EFHC2: variants seen among roughly 807,000 people sequenced by gnomAD.
EFHC2 encodes the protein EF-hand domain containing 2.
In EFHC2, 18 loss-of-function variants were observed where a neutral mutation model predicts 52.7. The observed-to-expected ratio is 0.34, with a 90% CI of 0.24 to 0.51. EFHC2 has a LOEUF of 0.51. Ranked by LOEUF, EFHC2 falls within the 20% of genes least tolerant of loss-of-function variation. The pLI, the probability that EFHC2 is intolerant of heterozygous loss-of-function variation, is 0.97. For missense variants in EFHC2, 513 were observed against 562.5 expected (o/e 0.91, Z 0.89); for synonymous variants, 203 against 204.1 (o/e 0.99, Z 0.04).
chrX:44,209,680 G>T (rs1260517714), intron 11 of EFHC2, among the ~76,000 whole-genome samples: 1 of 108,706 alleles, frequency 9.2e-6, no homozygotes, highest in African/African-American at 3.4e-5. Flanking sequence ...CCACGGGCTG[G>T]TACCAGTCCG....
chrX:44,318,194 G>A (rs1039684261), intron 1 of EFHC2, among the ~76,000 whole-genome samples: 5 of 112,457 alleles, frequency 4.4e-5, no homozygotes, highest in African/African-American at 9.7e-5. Flanking sequence ...TTATTCTGCC[G>A]CCAAAGGGAA....
At chrX:44,317,746 A>T (rs1248038061) in intron 1 of EFHC2, among the ~76,000 whole-genome samples, 3 of 113,174 alleles carry the variant, frequency 2.7e-5, no homozygotes, top group Non-Finnish European at 5.6e-5. Flanking sequence ...TGAAGCTATG[A>T]TCGCACCACT....
chrX:44,267,410 T>C (rs1250149622), intron 3 of EFHC2, among the ~76,000 whole-genome samples: 1 of 111,851 alleles, frequency 8.9e-6, no homozygotes, highest in Non-Finnish European at 1.9e-5. Context: ...AACTTGTGAA[T>C]ATTAAAAATA....
In EFHC2 at chrX:44,267,510, C is replaced by T. The variant is rs771694392; in HGVS notation, c.382+5176G>A. Among the ~76,000 whole-genome samples the T allele has an allele frequency of 7.2e-5, 8 of 111,507 alleles. No individual in the cohort carries two copies. In the South Asian group the frequency reaches 1.1e-3, roughly 16 times the overall value. On this transcript the variant is annotated intron_variant, in intron 3 of 14. Transcript: ENST00000420999. ...GTTTCTGGCTGATTCCAAACTCCCC[C>T]CACCCTAAAAAATTACATGATAATA...
chrX:44,314,461 CA>C (rs1251657654), intron 1 of EFHC2, among the ~76,000 whole-genome samples: 2 of 112,214 alleles, frequency 1.8e-5, no homozygotes, highest in African/African-American at 6.5e-5. Flanking sequence ...AGGGCCATAA[CA>C]GCTGCCCTGG....
chrX:44,211,157 C>T (rs748846143), intron 11 of EFHC2, among the ~76,000 whole-genome samples: 92 of 111,883 alleles, frequency 8.2e-4, no homozygotes, highest in Middle Eastern at 4.7e-3. Context: ...CAGACCATAT[C>T]GAGGGTGATA....
At chrX:44,328,246 G>C (rs964405284) in intron 1 of EFHC2, among the ~76,000 whole-genome samples, 1 of 111,718 alleles carries the variant, frequency 9.0e-6, no homozygotes, top group African/African-American at 3.3e-5. Flanking sequence ...TTCTATGAAG[G>C]ATTTTTGCTC....
At chrX:44,278,202 C>T (rs772920814) in intron 2 of EFHC2, among the ~76,000 whole-genome samples, 13 of 111,934 alleles carry the variant, frequency 1.2e-4, no homozygotes, top group Non-Finnish European at 2.3e-4. Context: ...TGGCAAAACC[C>T]AATCTCTACT....
intron 2 of EFHC2, among the ~76,000 whole-genome samples, chrX:44,281,356 C>A (rs1257977899): frequency 2.7e-5 from 3 of 112,204 alleles, no homozygotes; most frequent in Non-Finnish European, 5.6e-5. Context: ...TAAAGTAGTA[C>A]AATACCACAG....
intron 11 of EFHC2, among the ~76,000 whole-genome samples, chrX:44,221,017 A>G (rs2037189597): frequency 8.9e-6 from 1 of 111,923 alleles, no homozygotes; most frequent in African/African-American, 3.2e-5. Flanking sequence ...AATGTTGCCA[A>G]TATAGTAAGT....
chrX:44,168,574 C>CAAG (rs2036718215), intron 13 of EFHC2, among the ~76,000 whole-genome samples: 1 of 110,739 alleles, frequency 9.0e-6, no homozygotes, highest in Non-Finnish European at 1.9e-5. Context: ...ACTGAACAGC[C>CAAG]AAGTATCTTC....
chrX:44,169,544 G>C (rs2036726426), intron 13 of EFHC2, among the ~76,000 whole-genome samples: 1 of 111,021 alleles, frequency 9.0e-6, no homozygotes, highest in Non-Finnish European at 1.9e-5. Flanking sequence ...CCAAAGTGCT[G>C]GGATTACAGG....
At chrX:44,219,963 T>C (rs965514729) in intron 11 of EFHC2, among the ~76,000 whole-genome samples, 22 of 111,767 alleles carry the variant, frequency 2.0e-4, no homozygotes, top group Admixed American at 5.7e-4. Context: ...TGAAAAACTG[T>C]TCCATAAGCT....
chrX:44,250,431 T>C lies in EFHC2; in HGVS notation c.621A>G (p.Val207=), dbSNP rs766573117. The change falls in exon 5 of 15, where the codon GTA becomes GTG. Residue 207 remains valine, a synonymous_variant. Coordinates refer to ENST00000420999, the MANE Select transcript of EFHC2 (RefSeq NM_025184.4). The part of the protein sequence containing the change: ...MKIRREVVEH[V]EPLRPYESLD... ...GGGATTCGTAGGGACGTAAGGGCTC[T>C]ACGTGTTCTACAACCTGCAAATGGA... The C allele has an allele frequency of 1.1e-5, 13 of 1,193,808 alleles. No homozygotes were observed. The African/African-American group carries it at 1.6e-4, about 15-fold the overall frequency.
chrX:44,250,826 A>G (rs778388735), intron 4 of EFHC2, among the ~76,000 whole-genome samples: 13 of 67,447 alleles, frequency 1.9e-4, no homozygotes, highest in Non-Finnish European at 2.9e-4. Flanking sequence ...CTCCATTTCG[A>G]AAAAAAAAAA....
intron 2 of EFHC2, among the ~76,000 whole-genome samples, chrX:44,307,173 T>A (rs912878194): frequency 4.5e-5 from 5 of 110,467 alleles, no homozygotes; most frequent in Admixed American, 2.9e-4. Context: ...GGGTGGGGGA[T>A]CACCACCCCA....
chrX:44,309,818 A>AG (rs2037932791), intron 2 of EFHC2: 1 of 1,123,606 alleles, frequency 8.9e-7, no homozygotes, highest in East Asian at 3.0e-5. Context: ...CGTTCACCAT[A>AG]GGTAGCCTCT....
chrX:44,306,256 C>A, intron 2 of EFHC2, among the ~76,000 whole-genome samples: 1 of 111,405 alleles, frequency 9.0e-6, no homozygotes, highest in Non-Finnish European at 1.9e-5. Context: ...TTTCTTGCTG[C>A]AAAAACCTGG....
At chrX:44,191,937 ACT>A (rs1313693041) in intron 11 of EFHC2, among the ~76,000 whole-genome samples, 1 of 110,883 alleles carries the variant, frequency 9.0e-6, no homozygotes, top group Non-Finnish European at 1.9e-5. Flanking sequence ...GTCTCCTTAT[ACT>A]CTCTTTCTGA....
Sources: allele counts gnomAD v4.1 joint callset (sites outside exome capture counted in the v4.1 genomes callset), GRCh38; gene constraint gnomAD v4.1.1; transcripts MANE v1.5; gene names NCBI Gene and HGNC (gene_info 2026-07-23, HGNC 2026-07-21).